SCARB2: variants seen among roughly 807,000 people sequenced by gnomAD.
The protein encoded by SCARB2 is scavenger receptor class B member 2.
A neutral mutation model predicts 58.6 loss-of-function variants in SCARB2; 29 were observed. The ratio of observed to expected loss-of-function variants is 0.49; its 90% confidence interval spans 0.37 to 0.67. The LOEUF is 0.67. Among genes scored for constraint, SCARB2 ranks in the 30% least tolerant of loss-of-function variants. The pLI, the probability that SCARB2 is intolerant of heterozygous loss-of-function variation, is 0.00. For missense variants in SCARB2, 488 were observed against 578.5 expected (o/e 0.84, Z 1.60); for synonymous variants, 195 against 210.1 (o/e 0.93, Z 0.62).
At chr4:76,202,315 T>G (rs1395043684) in intron 1 of SCARB2, among the ~76,000 whole-genome samples, 1 of 152,166 alleles carries the variant, frequency 6.6e-6, no homozygotes, top group Non-Finnish European at 1.5e-5. Flanking sequence ...CAGGCTGGAG[T>G]GCAGTGGCAT....
At chr4:76,192,049 G>C (rs1732617775) in intron 2 of SCARB2, 1 of 152,232 alleles carries the variant, frequency 6.6e-6, no homozygotes, top group Admixed American at 6.5e-5. Flanking sequence ...AGGATTACAG[G>C]TATGAGCCAC....
At chr4:76,221,178 T>C (rs1318172997) in intron 1 of SCARB2, among the ~76,000 whole-genome samples, 1 of 152,212 alleles carries the variant, frequency 6.6e-6, no homozygotes, top group African/African-American at 2.4e-5. Context: ...GGGGACAGGC[T>C]TTCTCCTCTG....
chr4:76,190,929 TA>T (rs1363050564), intron 2 of SCARB2, among the ~76,000 whole-genome samples: 8 of 152,206 alleles, frequency 5.3e-5, no homozygotes, highest in Non-Finnish European at 1.2e-4. Flanking sequence ...TCTATAAGTG[TA>T]AAATGCACAC....
chr4:76,190,605 G>A (rs1732584755), intron 2 of SCARB2, among the ~76,000 whole-genome samples: 1 of 152,082 alleles, frequency 6.6e-6, no homozygotes, highest in South Asian at 2.1e-4. Flanking sequence ...TCAACATGGT[G>A]AAACCTTGTC....
At chr4:76,173,977 C>A (rs1229000129) in intron 7 of SCARB2, 167 bp downstream of exon 7, 1 of 753,996 alleles carries the variant, frequency 1.3e-6, no homozygotes, top group African/African-American at 1.7e-5. Flanking sequence ...CCATGTTGCC[C>A]AGGATGGACT....
intron 2 of SCARB2, 78 bp downstream of exon 2, chr4:76,195,626 GCTC>G: frequency 8.1e-7 from 1 of 1,235,270 alleles, no homozygotes; most frequent in Non-Finnish European, 1.2e-6. Context: ...CTGGAGCCTT[GCTC>G]CTGGGAAGAG....
chr4:76,229,215 GT>G (rs1167572758), intron 1 of SCARB2, among the ~76,000 whole-genome samples: 3 of 152,012 alleles, frequency 2.0e-5, no homozygotes, highest in Admixed American at 2.0e-4. Flanking sequence ...TATGATGTCT[GT>G]TTCTCTGGAA....
chr4:76,170,681 A>C lies in SCARB2; in HGVS notation c.995-696T>G, dbSNP rs1732110132. On this transcript the variant is annotated intron_variant, in intron 7 of 11. Coordinates refer to ENST00000264896, the MANE Select transcript of SCARB2 (RefSeq NM_005506.4). The stretch of plus-strand genomic sequence containing the variant: ...TACAGGCATGCACCACCACACCCGG[A>C]TAATTTTTTTGTATTTTTAGTAGAG... Among the ~76,000 whole-genome samples, 3 of 151,478 alleles carry C rather than the reference A, an allele frequency of 2.0e-5. No individual in the cohort carries two copies. The South Asian group carries it at 6.3e-4, about 32-fold the overall frequency.
chr4:76,189,271 T>G (rs927268482), intron 2 of SCARB2, among the ~76,000 whole-genome samples: 2 of 152,192 alleles, frequency 1.3e-5, no homozygotes, highest in African/African-American at 4.8e-5. Context: ...ATGCACATAT[T>G]TATTAGTCTG....
chr4:76,222,997 A>G (rs1161836827), intron 1 of SCARB2, among the ~76,000 whole-genome samples: 3 of 152,280 alleles, frequency 2.0e-5, no homozygotes, highest in East Asian at 3.9e-4. Flanking sequence ...GCAGGATCAG[A>G]CCTTGACAGG....
intron 1 of SCARB2, among the ~76,000 whole-genome samples, chr4:76,210,315 A>G (rs756893296): frequency 4.7e-4 from 71 of 152,318 alleles, no homozygotes; most frequent in African/African-American, 1.7e-3. Flanking sequence ...ATCCTTAGGG[A>G]CAGAAAAAAA....
At chr4:76,216,740 G>C (rs1401501014), upstream of SCARB2, among the ~76,000 whole-genome samples, 1 of 152,146 alleles carries the variant, frequency 6.6e-6, no homozygotes, top group African/African-American at 2.4e-5. Flanking sequence ...TAAAACTCTG[G>C]ACAAGCCGAA....
intron 7 of SCARB2, among the ~76,000 whole-genome samples, chr4:76,172,153 G>A (rs1732144354): frequency 6.7e-6 from 1 of 148,226 alleles, no homozygotes; most frequent in African/African-American, 2.5e-5. Flanking sequence ...ATATATACAT[G>A]TGGCTGTTAA....
chr4:76,211,281 T>C (rs899325756), intron 1 of SCARB2, among the ~76,000 whole-genome samples: 9 of 152,236 alleles, frequency 5.9e-5, no homozygotes, highest in African/African-American at 2.2e-4. Context: ...AGTTTCATGG[T>C]AAATGCATCA....
chr4:76,223,187 T>G (rs1361257913), intron 1 of SCARB2, among the ~76,000 whole-genome samples: 1 of 152,170 alleles, frequency 6.6e-6, no homozygotes, highest in Non-Finnish European at 1.5e-5. Flanking sequence ...AAAACTACCT[T>G]CCTTGGAAGT....
chr4:76,213,701 C>T lies in SCARB2; in HGVS notation c.-158G>A. 2 of 561,438 alleles carry T rather than the reference C, an allele frequency of 3.6e-6. No individual in the cohort carries two copies. The highest frequency in any genetic ancestry group is 6.1e-6 in the Non-Finnish European group (2 of 329,340). The allele number at this position is 561,438 out of a possible 1,614,324, so 34.8% of individuals were successfully genotyped here. A position where few individuals can be genotyped will look rare whatever the true frequency, so the allele number is the denominator to read the frequency against. ...TTCGTGCGCGCAGCTCTGGGCTCCG[C>T]GGCCTGGCGAGCGCGGCCCCGGGTG... On this transcript the variant is annotated 5_prime_UTR_variant, in exon 1 of 12. Coordinates refer to ENST00000264896, the MANE Select transcript of SCARB2 (RefSeq NM_005506.4).
At chr4:76,210,340 T>C (rs1030948969) in intron 1 of SCARB2, among the ~76,000 whole-genome samples, 1 of 152,216 alleles carries the variant, frequency 6.6e-6, no homozygotes, top group Non-Finnish European at 1.5e-5. Context: ...TTGATTCAGT[T>C]CTGCTGATTC....
chr4:76,176,065 G>T, intron 5 of SCARB2, 155 bp from the exon 6 acceptor site: 1 of 912,370 alleles, frequency 1.1e-6, no homozygotes, highest in Non-Finnish European at 1.6e-6. Flanking sequence ...TCAAGGGGGA[G>T]AAAAAGTAGG....
chr4:76,175,746 G>C, intron 6 of SCARB2, 45 bp downstream of exon 6: 1 of 1,611,536 alleles, frequency 6.2e-7, no homozygotes, highest in Non-Finnish European at 8.5e-7. Context: ...GTCTTGCAGT[G>C]AAAGACCTTA....
Sources: gnomAD v4.1 joint callset for allele counts (sites outside exome capture counted in the v4.1 genomes callset) on GRCh38, gnomAD v4.1.1 for gene constraint, MANE v1.5 for transcripts, NCBI Gene and HGNC (gene_info 2026-07-23, HGNC 2026-07-21) for gene names.